CDH18: variants seen among roughly 807,000 people sequenced by gnomAD.
CDH18 encodes cadherin-18.
Under a neutral mutation model 67.9 loss-of-function variants are expected in CDH18, and 31 were observed. The ratio of observed to expected loss-of-function variants is 0.46; its 90% CI spans 0.34 to 0.62. The LOEUF (loss-of-function observed/expected upper bound fraction) is 0.62, where lower values mean the gene tolerates loss of function less well. Among genes scored for constraint, CDH18 ranks in the 20% least tolerant of loss-of-function variants. CDH18 has a pLI of 0.01. For synonymous variants in CDH18, 362 were observed against 347.2 expected (o/e 1.04, Z -0.48); for missense variants, 890 against 975.5 (o/e 0.91, Z 1.17).
chr5:20,032,109 C>T (rs1006926166), intron 2 of CDH18, among the ~76,000 whole-genome samples: 10 of 151,674 alleles, frequency 6.6e-5, no homozygotes, highest in Non-Finnish European at 1.3e-4. Context: ...CTTCTTTATC[C>T]TCAAAAAATG....
At chr5:19,878,805 A>G (rs1041230480) in intron 2 of CDH18, among the ~76,000 whole-genome samples, 4 of 152,104 alleles carry the variant, frequency 2.6e-5, no homozygotes, top group Non-Finnish European at 5.9e-5. Context: ...CTCATACCGG[A>G]AAGTCATTTT....
At chr5:19,901,727 C>T (rs1789959102) in intron 2 of CDH18, among the ~76,000 whole-genome samples, 1 of 151,766 alleles carries the variant, frequency 6.6e-6, no homozygotes, top group Non-Finnish European at 1.5e-5. Flanking sequence ...AAATTTTAGA[C>T]TCAAAATGAA....
At chr5:19,897,785 GA>G (rs1274181152) in intron 2 of CDH18, among the ~76,000 whole-genome samples, 9 of 151,548 alleles carry the variant, frequency 5.9e-5, no homozygotes, top group Non-Finnish European at 1.0e-4. Flanking sequence ...CTAAATGAAA[GA>G]AAAAAAGAGA....
chr5:19,994,387 TA>T, intron 2 of CDH18, among the ~76,000 whole-genome samples: 1 of 151,258 alleles, frequency 6.6e-6, no homozygotes, highest in Non-Finnish European at 1.5e-5. Flanking sequence ...CTGACTGATA[TA>T]ATAAGTAATG....
intron 3 of CDH18, among the ~76,000 whole-genome samples, chr5:19,781,463 G>A (rs879082210): frequency 6.6e-6 from 1 of 151,996 alleles, no homozygotes; most frequent in Admixed American, 6.6e-5. Flanking sequence ...CATAACAAAA[G>A]AGAAAACAAC....
intron 1 of CDH18, among the ~76,000 whole-genome samples, chr5:20,561,818 A>G (rs1758234115): frequency 6.6e-6 from 1 of 152,008 alleles, no homozygotes. Flanking sequence ...TTCATGATTG[A>G]ACATTAGATA....
chr5:19,834,400 T>C (rs1781388593), intron 3 of CDH18, among the ~76,000 whole-genome samples: 1 of 152,038 alleles, frequency 6.6e-6, no homozygotes, highest in African/African-American at 2.4e-5. Context: ...ATTATATCTA[T>C]TTGATTCTTC....
At chr5:19,660,770 A>G (rs1757042526) in intron 5 of CDH18, among the ~76,000 whole-genome samples, 1 of 152,014 alleles carries the variant, frequency 6.6e-6, no homozygotes, top group Non-Finnish European at 1.5e-5. Flanking sequence ...CACTTGCATC[A>G]GTGTAAGTGT....
intron 2 of CDH18, among the ~76,000 whole-genome samples, chr5:20,104,069 A>G (rs2150581082): frequency 6.6e-6 from 1 of 150,670 alleles, no homozygotes; most frequent in Admixed American, 6.6e-5. Context: ...TTATAGATAT[A>G]TTAGATATAG....
intron 8 of CDH18, among the ~76,000 whole-genome samples, chr5:19,551,581 T>C (rs913111264): frequency 6.6e-6 from 1 of 152,160 alleles, no homozygotes; most frequent in Non-Finnish European, 1.5e-5. Flanking sequence ...AAATCACTTA[T>C]GCTTGAGGGT....
At chr5:20,431,005 C>T (rs548085178) in intron 1 of CDH18, among the ~76,000 whole-genome samples, 29 of 151,962 alleles carry the variant, frequency 1.9e-4, no homozygotes, top group African/African-American at 6.0e-4. Flanking sequence ...TAATGTAACC[C>T]GTTTGAAGGA....
intron 1 of CDH18, chr5:20,304,268 AC>A: frequency 6.2e-7 from 1 of 1,603,578 alleles, no homozygotes; most frequent in Middle Eastern, 1.7e-4. Flanking sequence ...GTCTGCCCGC[AC>A]CAAAAGCTGT....
intron 2 of CDH18, among the ~76,000 whole-genome samples, chr5:19,892,146 A>G (rs1788839908): frequency 6.6e-6 from 1 of 152,196 alleles, no homozygotes; most frequent in Non-Finnish European, 1.5e-5. Context: ...AGAAATAATT[A>G]AGGTTTAACT....
At chr5:20,151,694 G>A (rs140202360) in intron 2 of CDH18, among the ~76,000 whole-genome samples, 89 of 152,094 alleles carry the variant, frequency 5.9e-4, no homozygotes, top group African/African-American at 2.0e-3. Flanking sequence ...GGTGTGAGAC[G>A]GTACGTCAAA....
At chr5:20,139,621 G>GA (rs948924019) in intron 2 of CDH18, among the ~76,000 whole-genome samples, 61 of 152,124 alleles carry the variant, frequency 4.0e-4, no homozygotes, top group African/African-American at 1.3e-3. Context: ...AAATTTACAA[G>GA]AAAAAATCAA....
chr5:20,340,138 C>T (rs1425756697), intron 1 of CDH18, among the ~76,000 whole-genome samples: 1 of 152,178 alleles, frequency 6.6e-6, no homozygotes, highest in Non-Finnish European at 1.5e-5. Context: ...GATGAAAATC[C>T]TTCAGCCTTT....
chr5:20,160,218 T>G (rs989057121), intron 2 of CDH18, among the ~76,000 whole-genome samples: 1 of 152,242 alleles, frequency 6.6e-6, no homozygotes, highest in Non-Finnish European at 1.5e-5. Flanking sequence ...AAAAATGACC[T>G]GTTTAACTAT....
chr5:19,727,848 A>G (rs920771972), intron 4 of CDH18, among the ~76,000 whole-genome samples: 1 of 152,214 alleles, frequency 6.6e-6, no homozygotes, highest in East Asian at 1.9e-4. Context: ...ATTTTTGAAC[A>G]TCAGGCACTT....
chr5:20,475,632 T>G (rs1192493782), intron 1 of CDH18, among the ~76,000 whole-genome samples: 2 of 150,236 alleles, frequency 1.3e-5, no homozygotes, highest in African/African-American at 5.1e-5. Flanking sequence ...TATTTTTATT[T>G]GAACAGTCTA....
Sources: allele counts gnomAD v4.1 joint callset (sites outside exome capture counted in the v4.1 genomes callset), GRCh38; gene constraint gnomAD v4.1.1; transcripts MANE v1.5; gene names NCBI Gene and HGNC (gene_info 2026-07-23, HGNC 2026-07-21).